Variants in ASIC2 observed in about 807,000 individuals in gnomAD.
ASIC2 encodes the protein acid-sensing ion channel 2.
Under a neutral mutation model 57.3 loss-of-function variants are expected in ASIC2, and 25 were observed. That is an observed-to-expected ratio of 0.44 (90% CI 0.32 to 0.61). The LOEUF is 0.61. Among genes scored for constraint, ASIC2 ranks in the 20% least tolerant of loss-of-function variants. The probability of loss-of-function intolerance (pLI) is 0.06; values close to 1 mark genes in which losing one functional copy is unlikely to be tolerated. For missense variants in ASIC2, 641 were observed against 738.1 expected (o/e 0.87, Z 1.52); for synonymous variants, 319 against 307.5 (o/e 1.04, Z -0.39).
intron 1 of ASIC2, among the ~76,000 whole-genome samples, chr17:33,661,851 G>A (rs905690183): frequency 6.6e-6 from 1 of 152,144 alleles, no homozygotes; most frequent in Non-Finnish European, 1.5e-5. Context: ...AAACTGACTG[G>A]CGGCAGAAAT....
chr17:34,085,715 C>A (rs1910089250), intron 1 of ASIC2, among the ~76,000 whole-genome samples: 2 of 151,960 alleles, frequency 1.3e-5, no homozygotes, highest in African/African-American at 2.4e-5. Flanking sequence ...ACAATTTCAG[C>A]TCCTGTTATT....
chr17:33,767,249 G>A (rs1048186406), intron 1 of ASIC2, among the ~76,000 whole-genome samples: 9 of 152,262 alleles, frequency 5.9e-5, no homozygotes, highest in African/African-American at 2.2e-4. Flanking sequence ...CTCTCTTTGT[G>A]ACTTTTCCAG....
Position 33,292,140 on chromosome 17 carries a change from G to C in ASIC2, c.-25C>G. On this transcript the variant is annotated 5_prime_UTR_variant, in exon 1 of 10. Transcript: ENST00000225823. The stretch of plus-strand genomic sequence containing the variant: ...TTCATTCAGCCCGCGGCTGGCGGCA[G>C]CGGCGGCGGCCCCGGCCGGGCGGAG... 9.7e-7 allele frequency: 1 copy of C among 1,033,436 alleles called. No homozygotes were observed. The highest frequency in any genetic ancestry group is 1.7e-5 in the African/African-American group (1 of 57,904). The allele number at this position is 1,033,436 out of a possible 1,614,324, so 64.0% of individuals were successfully genotyped here. A position where few individuals can be genotyped will look rare whatever the true frequency, so the allele number is the denominator to read the frequency against.
intron 3 of ASIC2, among the ~76,000 whole-genome samples, chr17:33,068,502 C>T (rs1349761865): frequency 6.6e-6 from 1 of 151,024 alleles, no homozygotes; most frequent in Non-Finnish European, 1.5e-5. Flanking sequence ...GTGCTATTGC[C>T]TGGGCAACAA....
chr17:33,979,991 G>A lies in ASIC2; in HGVS notation c.555+175987C>T, dbSNP rs78004700. The stretch of plus-strand genomic sequence containing the variant: ...CTGGACACAGCAACAGCAAGTATCC[G>A]AGTCACTTAGTATTCCTGGTATTCT... On this transcript the variant is annotated intron_variant, in intron 1 of 9. Coordinates refer to the ASIC2 transcript ENST00000359872. Among the ~76,000 whole-genome samples the A allele has an allele frequency of 5.2e-3, 785 of 152,206 alleles. 7 individuals carry two copies. The highest frequency in any genetic ancestry group is 0.017 in the African/African-American group (710 of 41,526).
At chr17:33,673,893 G>A (rs1192975445) in intron 1 of ASIC2, among the ~76,000 whole-genome samples, 1 of 145,934 alleles carries the variant, frequency 6.9e-6, no homozygotes, top group Non-Finnish European at 1.5e-5. Flanking sequence ...CTGTGCATCC[G>A]TGTCTTTTTT....
At chr17:33,656,827 T>A (rs1336907038) in intron 1 of ASIC2, among the ~76,000 whole-genome samples, 2 of 152,162 alleles carry the variant, frequency 1.3e-5, no homozygotes, top group Non-Finnish European at 2.9e-5. Context: ...CTAGACAAAT[T>A]CTCTTTTCAA....
rs531397086 is a variant in ASIC2 at position 33,971,122 on chromosome 17, G to T, written c.555+184856C>A. ...CCACTCAAAGGGCACACAGTGGCAC[G>T]CAGTCCTCCAGCAGAAATGATTCAC... On this transcript the variant is annotated intron_variant, in intron 1 of 9. Coordinates refer to the ASIC2 transcript ENST00000359872. 2.6e-5 allele frequency among the ~76,000 whole-genome samples: 4 copies of T among 152,184 alleles called. No homozygotes were observed. In the South Asian group the frequency reaches 6.2e-4, roughly 24 times the overall value.
At chr17:33,799,424 T>TTC (rs1912041603) in intron 1 of ASIC2, among the ~76,000 whole-genome samples, 2 of 74,962 alleles carry the variant, frequency 2.7e-5, no homozygotes, top group African/African-American at 1.1e-4. Flanking sequence ...TCTTTCTTTC[T>TTC]TTCTTCTTTC....
intron 1 of ASIC2, among the ~76,000 whole-genome samples, chr17:33,776,833 C>A (rs937627287): frequency 6.6e-6 from 1 of 152,200 alleles, no homozygotes; most frequent in African/African-American, 2.4e-5. Context: ...CTACTTTATT[C>A]GTTAGCACAG....
At chr17:33,091,067 A>G (rs978868982) in intron 2 of ASIC2, among the ~76,000 whole-genome samples, 1 of 152,102 alleles carries the variant, frequency 6.6e-6, no homozygotes, top group Admixed American at 6.6e-5. Flanking sequence ...AATCTCTCCT[A>G]TTGATGGTGA....
intron 1 of ASIC2, among the ~76,000 whole-genome samples, chr17:33,617,061 C>T (rs1423938954): frequency 6.6e-6 from 1 of 152,138 alleles, no homozygotes; most frequent in Non-Finnish European, 1.5e-5. Context: ...TGTTTCCTAA[C>T]CTAACATTTG....
intron 1 of ASIC2, among the ~76,000 whole-genome samples, chr17:33,132,391 G>A (rs115735868): frequency 1.1e-4 from 16 of 152,144 alleles, no homozygotes; most frequent in Admixed American, 1.0e-3. Context: ...TAGAATGGCA[G>A]TGAGTAGGTC....
chr17:34,040,802 T>C (rs1047156480), intron 1 of ASIC2, among the ~76,000 whole-genome samples: 1 of 152,190 alleles, frequency 6.6e-6, no homozygotes, highest in African/African-American at 2.4e-5. Flanking sequence ...TAGTTAAGTT[T>C]GAGGGAAAAA....
intron 1 of ASIC2, among the ~76,000 whole-genome samples, chr17:33,334,380 A>G (rs1198715016): frequency 6.6e-6 from 1 of 152,190 alleles, no homozygotes; most frequent in Non-Finnish European, 1.5e-5. Context: ...GAGCTCATGC[A>G]TGTCCATTGT....
At chr17:33,762,795 G>A (rs767300727) in intron 1 of ASIC2, among the ~76,000 whole-genome samples, 2 of 152,180 alleles carry the variant, frequency 1.3e-5, no homozygotes, top group African/African-American at 4.8e-5. Flanking sequence ...AGCCATGGTT[G>A]GGGATGAATA....
At position 34,097,866 on chromosome 17, in the gene ASIC2, G is replaced by A. The variant is rs533686841; in HGVS notation, c.555+58112C>T. ...TCCATTTTACAGGTCAGGAATCTGA[G>A]GCCCCAGAATTAACATGGCAGACCA... is the stretch of plus-strand genomic sequence containing the variant. On this transcript the variant is annotated intron_variant, in intron 1 of 9. Coordinates refer to the ASIC2 transcript ENST00000359872. Among the ~76,000 whole-genome samples the A allele has an allele frequency of 2.0e-5, 3 of 152,204 alleles. No individual in the cohort carries two copies. The South Asian group carries it at 6.2e-4, about 32-fold the overall frequency.
chr17:34,056,869 G>A (rs933547574), intron 1 of ASIC2, among the ~76,000 whole-genome samples: 43 of 152,092 alleles, frequency 2.8e-4, no homozygotes. Flanking sequence ...CATATCTTGA[G>A]GTTAAACAAC....
At chr17:33,990,702 T>C (rs317361) in intron 1 of ASIC2, among the ~76,000 whole-genome samples, 128,326 of 152,086 alleles carry the variant, frequency 0.84, 55,790 homozygotes, top group Non-Finnish European at 0.96. Context: ...GGGATGGACA[T>C]ATAGAAAAAC....
Sources: gnomAD v4.1 joint callset for allele counts (sites outside exome capture counted in the v4.1 genomes callset) on GRCh38, gnomAD v4.1.1 for gene constraint, MANE v1.5 for transcripts, NCBI Gene and HGNC (gene_info 2026-07-23, HGNC 2026-07-21) for gene names.